Variants in KALRN observed in about 807,000 individuals in gnomAD.
The protein encoded by KALRN is kalirin RhoGEF kinase.
A neutral mutation model predicts 353.7 loss-of-function variants in KALRN; 70 were observed. The ratio of observed to expected loss-of-function variants is 0.20; its 90% CI spans 0.16 to 0.24. The LOEUF (loss-of-function observed/expected upper bound fraction) is 0.24, where lower values mean the gene tolerates loss of function less well. Ranked by LOEUF, KALRN falls within the 10% of genes least tolerant of loss-of-function variation. The pLI is 1.00. For missense variants in KALRN, 2,791 were observed against 3,756.7 expected (o/e 0.74, Z 6.72); for synonymous variants, 1,391 against 1,434.8 (o/e 0.97, Z 0.69).
chr3:124,379,096 T>C (rs2086966512), intron 10 of KALRN, among the ~76,000 whole-genome samples: 1 of 152,168 alleles, frequency 6.6e-6, no homozygotes, highest in African/African-American at 2.4e-5. Flanking sequence ...TTTTTAAAAT[T>C]AATTTTTTCT....
intron 48 of KALRN, 111 bp from the exon 49 acceptor site, chr3:124,674,253 C>A: frequency 9.6e-7 from 1 of 1,043,070 alleles, no homozygotes; most frequent in Non-Finnish European, 1.4e-6. Flanking sequence ...TGCCTGCTGC[C>A]TACCCTGCTA....
chr3:124,185,837 TC>T (rs2150251266), intron 1 of KALRN, among the ~76,000 whole-genome samples: 1 of 152,284 alleles, frequency 6.6e-6, no homozygotes, highest in South Asian at 2.1e-4. Context: ...GTAGTGCCCC[TC>T]CCCTTTCATT....
chr3:124,071,952 C>T (rs2060039059), intron 1 of KALRN, among the ~76,000 whole-genome samples: 1 of 152,192 alleles, frequency 6.6e-6, no homozygotes, highest in Non-Finnish European at 1.5e-5. Flanking sequence ...TTAGGCACAT[C>T]AGTTCTTGAG....
chr3:124,184,636 C>G (rs1323797661), intron 1 of KALRN, among the ~76,000 whole-genome samples: 2 of 152,208 alleles, frequency 1.3e-5, no homozygotes, highest in African/African-American at 4.8e-5. Context: ...CCCTCCTGCC[C>G]TCACTTCTAT....
intron 37 of KALRN, among the ~76,000 whole-genome samples, chr3:124,645,048 G>A (rs963277747): frequency 3.3e-5 from 5 of 152,144 alleles, no homozygotes; most frequent in African/African-American, 1.2e-4. Context: ...ATCTTATTGT[G>A]GTTTTGATTT....
chr3:124,084,703 CT>C (rs1166059361), intron 1 of KALRN, among the ~76,000 whole-genome samples: 1 of 152,070 alleles, frequency 6.6e-6, no homozygotes, highest in African/African-American at 2.4e-5. Flanking sequence ...CTTCTTTTTT[CT>C]GTTTTTGGTT....
rs143501259 is a variant in KALRN, at chr3:124,165,949, A to T, written c.74-62041A>T. ...TCACTTCAGCCTTACAAGCCTCCTG[A>T]CCCTCAAACATACCATGCTTGTCCT... On this transcript the variant is annotated intron_variant, in intron 1 of 59. Transcript: ENST00000682506. 2.4e-3 allele frequency among the ~76,000 whole-genome samples: 362 copies of T among 151,998 alleles called. 2 individuals are homozygous for T. The highest frequency in any genetic ancestry group is 7.8e-3 in the African/African-American group (323 of 41,472).
At chr3:124,291,958 G>A (rs190450502) in intron 5 of KALRN, among the ~76,000 whole-genome samples, 42 of 152,302 alleles carry the variant, frequency 2.8e-4, no homozygotes, top group African/African-American at 7.7e-4. Flanking sequence ...GTAGATGTCC[G>A]TGTAATGATC....
intron 1 of KALRN, among the ~76,000 whole-genome samples, chr3:124,097,724 C>T (rs1358458970): frequency 6.6e-6 from 1 of 152,140 alleles, no homozygotes; most frequent in Non-Finnish European, 1.5e-5. Flanking sequence ...CACTGTTCAG[C>T]TAAGGGTAAG....
chr3:124,193,551 T>G (rs2075140472), intron 1 of KALRN, among the ~76,000 whole-genome samples: 3 of 151,998 alleles, frequency 2.0e-5, no homozygotes, highest in Admixed American at 1.3e-4. Flanking sequence ...AACACTTCCC[T>G]ATTTCCAAGT....
At chr3:124,604,790 G>A (rs1180300717) in intron 34 of KALRN, among the ~76,000 whole-genome samples, 14 of 151,864 alleles carry the variant, frequency 9.2e-5, no homozygotes, top group South Asian at 2.1e-4. Flanking sequence ...GCACTCAAGC[G>A]ATCCTCTTGT....
chr3:124,046,801 G>T (rs1034762284), intron 1 of KALRN, among the ~76,000 whole-genome samples: 2 of 152,136 alleles, frequency 1.3e-5, no homozygotes, highest in Non-Finnish European at 2.9e-5. Flanking sequence ...TCTCCAAGTA[G>T]GTTGTATACA....
intron 36 of KALRN, among the ~76,000 whole-genome samples, chr3:124,636,478 G>A (rs900213213): frequency 2.0e-5 from 3 of 152,178 alleles, no homozygotes; most frequent in Non-Finnish European, 2.9e-5. Context: ...TCCTGGAGTC[G>A]TCTCTCTTTA....
intron 59 of KALRN, 118 bp from the exon 60 acceptor site, chr3:124,718,807 A>G (rs1478801512): frequency 8.6e-6 from 8 of 932,502 alleles, no homozygotes; most frequent in African/African-American, 3.3e-5. Context: ...TTTTCTGTAC[A>G]CCATAGGCTT....
chr3:124,134,760 C>G (rs1235108299), intron 1 of KALRN, among the ~76,000 whole-genome samples: 1 of 152,092 alleles, frequency 6.6e-6, no homozygotes, highest in Admixed American at 6.6e-5. Flanking sequence ...AAATGGCCGA[C>G]AAACATATGA....
At chr3:124,555,849 A>G (rs553739267) in intron 33 of KALRN, among the ~76,000 whole-genome samples, 9 of 152,318 alleles carry the variant, frequency 5.9e-5, no homozygotes, top group Admixed American at 4.6e-4. Context: ...GCTCTTCTGT[A>G]TCTTACATAG....
At chr3:124,196,061 C>A (rs2075394259) in intron 1 of KALRN, among the ~76,000 whole-genome samples, 1 of 152,094 alleles carries the variant, frequency 6.6e-6, no homozygotes, top group Non-Finnish European at 1.5e-5. Flanking sequence ...TTCCGTGACC[C>A]CACTTGTCTT....
chr3:124,620,870 A>G lies in KALRN; in HGVS notation c.5183-11550A>G, dbSNP rs2079189139. Among the ~76,000 whole-genome samples the G allele has an allele frequency of 2.0e-5, 3 of 152,182 alleles. No homozygotes were observed. The South Asian group carries it at 6.2e-4, about 32-fold the overall frequency. On this transcript the variant is annotated intron_variant, in intron 34 of 59. Transcript: ENST00000682506. ...GGTCGAGGAGACCTTGAGGACAGTC[A>G]ATTGGGAACTTTCATTTTATCCTCT... is the stretch of plus-strand genomic sequence containing the variant.
At chr3:124,675,003 G>T (rs1225728559) in intron 49 of KALRN, 1 of 146,582 alleles carries the variant, frequency 6.8e-6, no homozygotes, top group Non-Finnish European at 1.5e-5. Flanking sequence ...TTAAGTAACT[G>T]ATATATATAT....
Sources: gnomAD v4.1 joint callset for allele counts (sites outside exome capture counted in the v4.1 genomes callset) on GRCh38, gnomAD v4.1.1 for gene constraint, MANE v1.5 for transcripts, NCBI Gene and HGNC (gene_info 2026-07-23, HGNC 2026-07-21) for gene names.